STARD9: variants seen among roughly 807,000 people sequenced by gnomAD.
STARD9 encodes the protein StAR related lipid transfer domain containing 9, also known as stAR-related lipid transfer protein 9.
A neutral mutation model predicts 399.8 loss-of-function variants in STARD9; 346 were observed. That is an observed-to-expected ratio of 0.87 (90% CI 0.79 to 0.95). The LOEUF is 0.95. Among genes scored for constraint, STARD9 ranks in the 40% least tolerant of loss-of-function variants. STARD9 has a pLI of 0.00. For missense variants in STARD9, 5,832 were observed against 5,667.5 expected, an observed-to-expected ratio of 1.03 and a Z score of -0.93; for synonymous variants, 2,203 against 2,143.5, an observed-to-expected ratio of 1.03 and a Z score of -0.77.
In STARD9 at chr15:42,689,150, A is replaced by G; in HGVS notation, c.7572A>G (p.Ala2524=). 1 of 1,537,200 alleles carries G rather than the reference A, an allele frequency of 6.5e-7. No individual in the cohort carries two copies. The highest frequency in any genetic ancestry group is 8.7e-7 in the Non-Finnish European group (1 of 1,146,888). Reference sequence around the variant, plus strand: ...GACTGACCAGCGGTGTTTCCTTAGCACCTGTTTCCCTGCCGAGGGTGCCCA... The same window carrying G: ...GACTGACCAGCGGTGTTTCCTTAGCGCCTGTTTCCCTGCCGAGGGTGCCCA... ...DVGLTSGVSL[A]PVSLPRVPSP... is the part of the protein sequence containing the mutation. The change falls in exon 23 of 33, where the codon GCA becomes GCG. Residue 2524 remains alanine, a synonymous_variant. Transcript: ENST00000290607.
At chr15:42,679,317 C>T (rs12323990) in intron 20 of STARD9, among the ~76,000 whole-genome samples, 8,459 of 152,214 alleles carry the variant, frequency 0.056, 529 homozygotes, top group African/African-American at 0.16. Context: ...GTTTCTATTC[C>T]AGTTGCTATC....
chr15:42,607,032 C>CT (rs1288148679), intron 3 of STARD9, among the ~76,000 whole-genome samples: 1 of 150,934 alleles, frequency 6.6e-6, no homozygotes, highest in African/African-American at 2.4e-5. Flanking sequence ...ACTGCAGCCT[C>CT]TATCTCCCGG....
chr15:42,710,877 C>T (rs1192674582), intron 26 of STARD9, among the ~76,000 whole-genome samples: 1 of 147,186 alleles, frequency 6.8e-6, no homozygotes, highest in African/African-American at 2.7e-5. Context: ...GACATTCTTG[C>T]TCTCACTTGT....
At chr15:42,673,951 G>T (rs2060256470) in intron 16 of STARD9, 1 of 456,330 alleles carries the variant, frequency 2.2e-6, no homozygotes, top group Admixed American at 2.3e-5. Flanking sequence ...AACTTCATCT[G>T]CGGACCAAGA....
At chr15:42,706,879 TCATC>T (rs1216930736) in intron 26 of STARD9, among the ~76,000 whole-genome samples, 1 of 152,226 alleles carries the variant, frequency 6.6e-6, no homozygotes, top group South Asian at 2.1e-4. Flanking sequence ...TTTCATTCAT[TCATC>T]CATCCATCTA....
intron 3 of STARD9, among the ~76,000 whole-genome samples, chr15:42,634,551 G>T (rs2059385786): frequency 6.6e-6 from 1 of 152,116 alleles, no homozygotes; most frequent in South Asian, 2.1e-4. Context: ...TATTTTGCTT[G>T]CATATCTTTG....
chr15:42,602,648 G>A (rs74670147), intron 3 of STARD9, among the ~76,000 whole-genome samples: 5,575 of 152,246 alleles, frequency 0.037, 363 homozygotes, highest in African/African-American at 0.13. Flanking sequence ...GGTTGCAGAA[G>A]GCAGTCAACC....
At chr15:42,695,690 G>T in intron 25 of STARD9, 53 bp from the exon 26 acceptor site, 1 of 1,513,022 alleles carries the variant, frequency 6.6e-7, no homozygotes, top group Non-Finnish European at 8.8e-7. Flanking sequence ...GGCGTGGCCT[G>T]GGGAAAGTGA....
Position 42,689,914 on chromosome 15 carries a change from G to A in STARD9, c.8336G>A (p.Ser2779Asn), listed in dbSNP as rs1473311019. 2.0e-6 allele frequency: 3 copies of A among 1,537,698 alleles called. No individual in the cohort carries two copies. The highest frequency in any genetic ancestry group is 2.6e-6 in the Non-Finnish European group (3 of 1,146,996). Residue 2779 changes from serine to asparagine, a missense_variant, in exon 23 of 33, where the codon AGC (serine) becomes AAC (asparagine). Ser to Asn is a conservative substitution (Grantham distance 46). Coordinates refer to ENST00000290607, the MANE Select transcript of STARD9 (RefSeq NM_020759.3). ...AEGIPPGSQD[S>N]SPEHQEPRTL... ...GGCATACCCCCTGGCAGTCAGGACAGCAGCCCAGAGCATCAGGAACCCAGA... is the reference window on the plus strand; with the variant it reads ...GGCATACCCCCTGGCAGTCAGGACAACAGCCCAGAGCATCAGGAACCCAGA...
intron 3 of STARD9, among the ~76,000 whole-genome samples, chr15:42,624,768 C>T (rs568196328): frequency 2.6e-5 from 4 of 152,134 alleles, no homozygotes; most frequent in African/African-American, 4.8e-5. Flanking sequence ...AGACTGGTCT[C>T]GAACTCCTGA....
At chr15:42,682,058 A>G (rs915058982) in intron 21 of STARD9, 46 bp from the exon 22 acceptor site, 16 of 1,301,012 alleles carry the variant, frequency 1.2e-5, no homozygotes, top group Non-Finnish European at 1.6e-5. Flanking sequence ...AGCCACAAGC[A>G]GGGAAGGAGA....
chr15:42,684,516 C>T lies in STARD9; in HGVS notation c.2938C>T (p.Leu980=). The T allele has an allele frequency of 6.5e-7, 1 of 1,537,122 alleles. No homozygotes were observed. Among genetic ancestry groups the T allele is most frequent in the Non-Finnish European group, 8.7e-7 (1 of 1,146,866 alleles). ...STTQTRGAKG[L]ADPSHTQAGW... is the part of the protein sequence containing the mutation. Reference sequence around the variant, plus strand: ...TACCCAGACCAGAGGGGCGAAGGGACTAGCAGACCCTAGCCACACACAAGC... The same window carrying T: ...TACCCAGACCAGAGGGGCGAAGGGATTAGCAGACCCTAGCCACACACAAGC... The change falls in exon 23 of 33, where the codon CTA becomes TTA. Residue 980 remains leucine, a synonymous_variant. Transcript: ENST00000290607.
chr15:42,714,657 C>T (rs2061318737), intron 26 of STARD9, among the ~76,000 whole-genome samples: 1 of 152,138 alleles, frequency 6.6e-6, no homozygotes, highest in Admixed American at 6.5e-5. Context: ...TACAGTGGCT[C>T]ATGTTTCAAA....
Position 42,631,856 on chromosome 15 carries a change from G to A in STARD9, c.235-3000G>A, listed in dbSNP as rs899885726. 8.6e-5 allele frequency among the ~76,000 whole-genome samples: 13 copies of A among 151,970 alleles called. No individual in the cohort carries two copies. In the South Asian group the frequency reaches 1.7e-3, roughly 19 times the overall value. On this transcript the variant is annotated intron_variant, in intron 3 of 32. Transcript: ENST00000290607. ...ATTATTTAAGATGTGTTTTGTGGCC[G>A]AACATATGGTCTATTCTTGAGAATG... is the stretch of plus-strand genomic sequence containing the variant.
chr15:42,694,781 G>A, intron 24 of STARD9, 56 bp downstream of exon 24: 1 of 1,456,534 alleles, frequency 6.9e-7, no homozygotes, highest in Non-Finnish European at 9.3e-7. Flanking sequence ...AGGGGAGTAT[G>A]GGGAGCAGGA....
intron 26 of STARD9, among the ~76,000 whole-genome samples, chr15:42,703,455 C>T (rs574239645): frequency 1.3e-5 from 2 of 151,604 alleles, no homozygotes; most frequent in Middle Eastern, 3.4e-3. Flanking sequence ...CCTCCGCCTC[C>T]AGGGTTCAAG....
chr15:42,658,288 GGTGTGTGT>G (rs56286330), intron 9 of STARD9, among the ~76,000 whole-genome samples: 489 of 145,952 alleles, frequency 3.4e-3, no homozygotes, highest in Middle Eastern at 7.0e-3. Context: ...GGGACTTACA[GGTGTGTGT>G]GTGTGTGTGT....
chr15:42,607,194 CTTTTTTTTTT>C (rs763484090), intron 3 of STARD9, among the ~76,000 whole-genome samples: 6 of 39,266 alleles, frequency 1.5e-4, no homozygotes, highest in South Asian at 1.7e-3. Flanking sequence ...TTTTCTGGTG[CTTTTTTTTTT>C]TTTTTTTTTT....
chr15:42,712,081 T>TATATA (rs57090140), intron 26 of STARD9, among the ~76,000 whole-genome samples: 1 of 39,152 alleles, frequency 2.6e-5, no homozygotes, highest in African/African-American at 3.3e-4. Flanking sequence ...TATATATATA[T>TATATA]TATATATATA....
Sources: allele counts gnomAD v4.1 joint callset (sites outside exome capture counted in the v4.1 genomes callset), GRCh38; gene constraint gnomAD v4.1.1; transcripts MANE v1.5; gene names NCBI Gene and HGNC (gene_info 2026-07-23, HGNC 2026-07-21).